ABCA1: variants seen among roughly 807,000 people sequenced by gnomAD.
ABCA1 encodes the protein ATP binding cassette subfamily A member 1, also known as phospholipid-transporting ATPase ABCA1.
A neutral mutation model predicts 262.5 loss-of-function variants in ABCA1; 133 were observed. The observed-to-expected ratio is 0.51, with a 90% CI of 0.44 to 0.59. ABCA1 has a LOEUF of 0.59. Ranked by LOEUF, ABCA1 falls within the 20% of genes least tolerant of loss-of-function variation. The pLI is 0.00. For synonymous variants in ABCA1, 1,022 were observed against 1,043.5 expected, an observed-to-expected ratio of 0.98 and a Z score of 0.40; for missense variants, 2,452 against 2,777.5, an observed-to-expected ratio of 0.88 and a Z score of 2.63.
chr9:104,864,242 G>A (rs577890630), intron 5 of ABCA1, among the ~76,000 whole-genome samples: 2 of 152,268 alleles, frequency 1.3e-5, no homozygotes, highest in African/African-American at 4.8e-5. Flanking sequence ...ACCATCATAG[G>A]AGATTTCCTT....
intron 5 of ABCA1, among the ~76,000 whole-genome samples, chr9:104,870,324 G>T (rs1056817562): frequency 6.6e-6 from 1 of 152,184 alleles, no homozygotes; most frequent in Non-Finnish European, 1.5e-5. Flanking sequence ...AACAAAAGAG[G>T]CGCTGTGTAA....
At chr9:104,883,236 T>A in intron 4 of ABCA1, 79 bp from the exon 5 acceptor site, 1 of 1,264,314 alleles carries the variant, frequency 7.9e-7, no homozygotes, top group East Asian at 2.3e-5. Flanking sequence ...GACTGCCAAG[T>A]GCATAGAACT....
intron 2 of ABCA1, among the ~76,000 whole-genome samples, chr9:104,900,767 A>T (rs919662995): frequency 2.6e-5 from 4 of 152,206 alleles, no homozygotes; most frequent in African/African-American, 9.6e-5. Context: ...GCTGTACAAG[A>T]TGCAAGCCAG....
intron 2 of ABCA1, among the ~76,000 whole-genome samples, chr9:104,901,830 C>T (rs74865437): frequency 0.02 from 3,028 of 152,192 alleles, 43 homozygotes; most frequent in Middle Eastern, 0.041. Flanking sequence ...TAGCACGTTC[C>T]CCAGCTACAA....
chr9:104,887,139 G>T (rs377410025), intron 3 of ABCA1, among the ~76,000 whole-genome samples: 1 of 152,270 alleles, frequency 6.6e-6, no homozygotes, highest in Middle Eastern at 3.4e-3. Flanking sequence ...TTAGCCGGAC[G>T]TGGTGGCACA....
At chr9:104,800,065 T>C (rs1830202734) in intron 35 of ABCA1, 77 bp from the exon 36 acceptor site, 22 of 1,528,482 alleles carry the variant, frequency 1.4e-5, no homozygotes, top group Non-Finnish European at 1.1e-5. Context: ...CCACCAACCA[T>C]GCCCATAAAC....
At chr9:104,846,538 G>A (rs962817753) in intron 7 of ABCA1, among the ~76,000 whole-genome samples, 10 of 152,200 alleles carry the variant, frequency 6.6e-5, no homozygotes, top group African/African-American at 2.4e-4. Context: ...AGAAGTGGCT[G>A]GGACTCACTA....
At chr9:104,866,817 A>G (rs1837137892) in intron 5 of ABCA1, among the ~76,000 whole-genome samples, 1 of 152,118 alleles carries the variant, frequency 6.6e-6, no homozygotes, top group Non-Finnish European at 1.5e-5. Flanking sequence ...CCAACATCCT[A>G]TGTTTTCCAC....
chr9:104,862,949 T>A (rs1456742026), intron 5 of ABCA1, among the ~76,000 whole-genome samples: 1 of 151,470 alleles, frequency 6.6e-6, no homozygotes, highest in East Asian at 1.9e-4. Flanking sequence ...AACCCAGGTC[T>A]GCCAGGCTTT....
intron 3 of ABCA1, among the ~76,000 whole-genome samples, chr9:104,887,242 C>A (rs142109271): frequency 1.3e-5 from 2 of 152,174 alleles, no homozygotes; most frequent in Admixed American, 6.5e-5. Context: ...TGCACTACTG[C>A]ACTCCAGTCT....
chr9:104,787,904 CCA>C lies in ABCA1; in HGVS notation c.6204+14_6204+15del. On this transcript the variant is annotated intron_variant, in intron 46 of 49. Coordinates refer to ENST00000374736, the MANE Select transcript of ABCA1 (RefSeq NM_005502.4). ...TCAGGCCAGAACAACAGTTTTCCAT[CCA>C]CAGTTATACTCACCAGAAACACCAC... is the stretch of plus-strand genomic sequence containing the variant. 2 of 1,613,976 alleles carry C rather than the reference CCA, an allele frequency of 1.2e-6. No individual in the cohort carries two copies. The highest frequency in any genetic ancestry group is 1.7e-6 in the Non-Finnish European group (2 of 1,179,880).
chr9:104,917,063 C>T (rs567382842), intron 1 of ABCA1, among the ~76,000 whole-genome samples: 10 of 152,252 alleles, frequency 6.6e-5, no homozygotes, highest in Admixed American at 6.5e-4. Context: ...CATTAAAATG[C>T]TATGAGAGAA....
intron 6 of ABCA1, chr9:104,861,337 C>A: frequency 2.1e-6 from 1 of 466,256 alleles, no homozygotes; most frequent in Non-Finnish European, 3.9e-6. Context: ...ATCAATAACC[C>A]TTAACCACGG....
At chr9:104,847,300 A>G (rs79612546) in intron 7 of ABCA1, among the ~76,000 whole-genome samples, 4 of 152,330 alleles carry the variant, frequency 2.6e-5, no homozygotes, top group African/African-American at 7.2e-5. Flanking sequence ...AACCCTGGGC[A>G]AATGACTCAA....
At chr9:104,892,063 T>C (rs1254780179) in intron 2 of ABCA1, among the ~76,000 whole-genome samples, 4 of 150,838 alleles carry the variant, frequency 2.7e-5, no homozygotes, top group African/African-American at 7.3e-5. Context: ...AATTATCTCA[T>C]GGAACAAAAA....
intron 5 of ABCA1, among the ~76,000 whole-genome samples, chr9:104,877,001 G>A (rs1838220633): frequency 6.6e-6 from 1 of 152,164 alleles, no homozygotes. Flanking sequence ...ATACCACTGT[G>A]TAAACATATT....
At position 104,793,151 on chromosome 9, in the gene ABCA1, G is replaced by A. The variant is rs769363665; in HGVS notation, c.5636+20C>T. 25 of 1,613,698 alleles carry A rather than the reference G, an allele frequency of 1.5e-5. No individual in the cohort carries two copies. The East Asian group carries it at 5.1e-4, about 33-fold the overall frequency. ...GTGACCCTCAACCAGGTGCTCCACG[G>A]GTTCTAAGAAAAAGCTCACCTGGGC... On this transcript the variant is annotated intron_variant, in intron 41 of 49. Transcript: ENST00000374736.
chr9:104,837,143 CACAG>C (rs1437411298), intron 10 of ABCA1, 47 bp from the exon 11 acceptor site: 2 of 1,471,256 alleles, frequency 1.4e-6, no homozygotes, highest in Non-Finnish European at 1.9e-6. Flanking sequence ...GGAGGAGAAG[CACAG>C]ACAATGAGCG....
In ABCA1 at chr9:104,816,298, G is replaced by A. The variant is rs375234343; in HGVS notation, c.3583C>T (p.Arg1195Trp). ...TCATGCCCTATGTCTTCCACCAGCC[G>A]GGCTTCAGACACATGCTTCCTGATG... The part of the protein sequence containing the change: ...NLIRKHVSEA[R>W]LVEDIGHELT... The change falls in exon 25 of 50, where the codon CGG (arginine) becomes TGG (tryptophan). Residue 1195 changes from arginine to tryptophan, a missense_variant. Physicochemically the swap from Arg to Trp is moderately radical, Grantham distance 101. Coordinates refer to ENST00000374736, the MANE Select transcript of ABCA1 (RefSeq NM_005502.4). 3.4e-5 allele frequency: 55 copies of A among 1,613,854 alleles called. No individual in the cohort carries two copies. Among genetic ancestry groups the A allele is most frequent in the Non-Finnish European group, 4.2e-5 (50 of 1,180,022 alleles).
Sources: gnomAD v4.1 joint callset for allele counts (sites outside exome capture counted in the v4.1 genomes callset) on GRCh38, gnomAD v4.1.1 for gene constraint, MANE v1.5 for transcripts, NCBI Gene and HGNC (gene_info 2026-07-23, HGNC 2026-07-21) for gene names.